FRMD4B: variants seen among roughly 807,000 people sequenced by gnomAD.
FRMD4B encodes FERM domain containing 4B, also known as FERM domain-containing protein 4B.
Under a neutral mutation model 141.5 loss-of-function variants are expected in FRMD4B, and 74 were observed. That is an observed-to-expected ratio of 0.52 (90% CI 0.43 to 0.63). The LOEUF is 0.63. Ranked by LOEUF, FRMD4B falls within the 30% of genes least tolerant of loss-of-function variation. The probability of loss-of-function intolerance (pLI) is 0.00; values close to 1 mark genes in which losing one functional copy is unlikely to be tolerated. For missense variants in FRMD4B, 1,366 were observed against 1,253.4 expected (o/e 1.09, Z -1.36); for synonymous variants, 506 against 467.9 (o/e 1.08, Z -1.05).
chr3:69,450,463 A>AT (rs1559530855), intron 1 of FRMD4B, among the ~76,000 whole-genome samples: 1 of 152,042 alleles, frequency 6.6e-6, no homozygotes. Context: ...TCAAAAAAAA[A>AT]CAAAATAGGC....
rs1449270427 is a variant in FRMD4B, at chr3:69,181,681, T to C, written c.2069A>G (p.Gln690Arg). ...CTGGGACTCCAGGCTTCCACTCCGC[T>C]GGCGGCAGTGCTGAGATGAAGATTC... ...EPESSSQHCR[Q>R]RSGSLESQSH... The change falls in exon 21 of 23, where the codon CAG (glutamine) becomes CGG (arginine). Residue 690 changes from glutamine (Q) to arginine (R), a missense_variant. Gln to Arg is a conservative substitution (Grantham distance 43). Coordinates refer to ENST00000398540, the MANE Select transcript of FRMD4B (RefSeq NM_015123.3). 1 of 1,613,052 alleles carries C rather than the reference T, an allele frequency of 6.2e-7. No homozygotes were observed. The highest frequency in any genetic ancestry group is 1.7e-4 in the Middle Eastern group (1 of 5,942).
chr3:69,261,042 T>C (rs566541931), intron 5 of FRMD4B, among the ~76,000 whole-genome samples: 1 of 152,300 alleles, frequency 6.6e-6, no homozygotes, highest in Middle Eastern at 3.4e-3. Flanking sequence ...GATAAGGGAA[T>C]AAAAGCAGGT....
chr3:69,185,296 G>A (rs553204229), intron 19 of FRMD4B, among the ~76,000 whole-genome samples: 343 of 123,330 alleles, frequency 2.8e-3, no homozygotes, highest in African/African-American at 9.8e-3. Flanking sequence ...GTGAGACTCC[G>A]TCTCAAAAAA....
intron 1 of FRMD4B, among the ~76,000 whole-genome samples, chr3:69,539,319 G>A (rs1425370365): frequency 6.6e-6 from 1 of 152,194 alleles, no homozygotes; most frequent in African/African-American, 2.4e-5. Flanking sequence ...AGGATTCTCA[G>A]GCTTGCTGAA....
intron 1 of FRMD4B, among the ~76,000 whole-genome samples, chr3:69,477,570 G>A (rs1225756942): frequency 6.6e-6 from 1 of 151,858 alleles, no homozygotes; most frequent in Non-Finnish European, 1.5e-5. Flanking sequence ...GATCATGGTG[G>A]ATAAGCTTTT....
At chr3:69,242,492 T>A (rs2093392599) in intron 7 of FRMD4B, among the ~76,000 whole-genome samples, 1 of 56,080 alleles carries the variant, frequency 1.8e-5, no homozygotes, top group African/African-American at 9.8e-5. Flanking sequence ...TTTTTTTTTT[T>A]TTTTTTTTTT....
intron 1 of FRMD4B, chr3:69,536,258 C>T: frequency 1.6e-6 from 1 of 609,836 alleles, no homozygotes. Context: ...CTTTTCCGCT[C>T]TCCTGGGGAC....
At chr3:69,225,726 AAAG>A (rs2093247665) in intron 7 of FRMD4B, among the ~76,000 whole-genome samples, 2 of 43,136 alleles carry the variant, frequency 4.6e-5, no homozygotes, top group African/African-American at 6.5e-5. Flanking sequence ...AAAAAAAAAA[AAAG>A]AGGGAGAACA....
intron 17 of FRMD4B, among the ~76,000 whole-genome samples, chr3:69,190,642 T>C (rs1372081645): frequency 2.0e-5 from 3 of 152,202 alleles, no homozygotes; most frequent in African/African-American, 7.2e-5. Context: ...CTTGAACTCC[T>C]GGGCTCAAGT....
chr3:69,507,399 G>A (rs2107085971), intron 1 of FRMD4B, among the ~76,000 whole-genome samples: 1 of 152,244 alleles, frequency 6.6e-6, no homozygotes, highest in South Asian at 2.1e-4. Flanking sequence ...GTGTGTGTGT[G>A]TGTGTTTCAG....
chr3:69,238,127 G>A (rs2093358336), intron 7 of FRMD4B, among the ~76,000 whole-genome samples: 1 of 152,184 alleles, frequency 6.6e-6, no homozygotes, highest in Non-Finnish European at 1.5e-5. Flanking sequence ...AGTCTTCATG[G>A]CACCCAAGAT....
At chr3:69,188,621 G>A (rs2092796798) in intron 18 of FRMD4B, among the ~76,000 whole-genome samples, 1 of 151,774 alleles carries the variant, frequency 6.6e-6, no homozygotes. Flanking sequence ...GCCGGGCGCG[G>A]TGGCGGGCGC....
chr3:69,188,524 G>C (rs1362568040), intron 18 of FRMD4B, among the ~76,000 whole-genome samples: 2 of 152,068 alleles, frequency 1.3e-5, no homozygotes, highest in Admixed American at 1.3e-4. Context: ...TTGGGAGGCC[G>C]AGGCGGGTGG....
intron 1 of FRMD4B, among the ~76,000 whole-genome samples, chr3:69,349,745 T>C (rs1483880304): frequency 1.3e-5 from 2 of 152,182 alleles, no homozygotes; most frequent in Non-Finnish European, 1.5e-5. Flanking sequence ...ATTTAATAAA[T>C]GGTGCTGGGA....
chr3:69,188,554 G>A (rs1575591410), intron 18 of FRMD4B, among the ~76,000 whole-genome samples: 2 of 151,156 alleles, frequency 1.3e-5, no homozygotes, highest in South Asian at 4.2e-4. Context: ...TCAGGAGATC[G>A]AGACCATCCT....
intron 11 of FRMD4B, among the ~76,000 whole-genome samples, chr3:69,207,307 TAA>T (rs11389016): frequency 2.9e-5 from 4 of 136,896 alleles, no homozygotes; most frequent in African/African-American, 2.7e-5. Context: ...CCTATGTCTT[TAA>T]AAAAAAAAAA....
In FRMD4B at chr3:69,482,848, A is replaced by G. The variant is rs879384600; in HGVS notation, c.-128-50087T>C. Among the ~76,000 whole-genome samples, 12 of 152,122 alleles carry G rather than the reference A, an allele frequency of 7.9e-5. No homozygotes were observed. In the South Asian group the frequency reaches 8.3e-4, roughly 11 times the overall value. On this transcript the variant is annotated intron_variant, in intron 1 of 5. Transcript: ENST00000459638. ...GTTACTCTTTTTTGGTTTGCTTTTA[A>G]CCACTTTGAATTAATATGTGACAGT...
rs558523176 is a variant in FRMD4B, at chr3:69,376,436, T to C, written c.162+9392A>G. Among the ~76,000 whole-genome samples, 6 of 152,218 alleles carry C rather than the reference T, an allele frequency of 3.9e-5. No individual in the cohort carries two copies. In the East Asian group the frequency reaches 9.7e-4, roughly 25 times the overall value. ...GCCTAGCATATAGAAAGGCCTAGCATATAGCAGCTGCTTAATATCTAGTAG... is the reference window on the plus strand; with the variant it reads ...GCCTAGCATATAGAAAGGCCTAGCACATAGCAGCTGCTTAATATCTAGTAG... On this transcript the variant is annotated intron_variant, in intron 1 of 22. Coordinates refer to ENST00000398540, the MANE Select transcript of FRMD4B (RefSeq NM_015123.3).
At chr3:69,303,570 T>A (rs1701290474) in intron 3 of FRMD4B, among the ~76,000 whole-genome samples, 1 of 152,166 alleles carries the variant, frequency 6.6e-6, no homozygotes, top group South Asian at 2.1e-4. Flanking sequence ...AATATTAAAT[T>A]TTTATGAAAT....
Sources: gnomAD v4.1 joint callset for allele counts (sites outside exome capture counted in the v4.1 genomes callset) on GRCh38, gnomAD v4.1.1 for gene constraint, MANE v1.5 for transcripts, NCBI Gene and HGNC (gene_info 2026-07-23, HGNC 2026-07-21) for gene names.